MYO3B: variants seen among roughly 807,000 people sequenced by gnomAD.
MYO3B encodes myosin-IIIb.
MYO3B carries 156 observed loss-of-function variants against 174.6 expected under a neutral mutation model. The observed-to-expected ratio is 0.89, with a 90% CI of 0.78 to 1.02. The LOEUF (loss-of-function observed/expected upper bound fraction) is 1.02. Ranked by LOEUF, MYO3B falls within the 50% of genes least tolerant of loss-of-function variation. The pLI is 0.00. For synonymous variants in MYO3B, 563 were observed against 569.1 expected (o/e 0.99, Z 0.15); for missense variants, 1,632 against 1,639.4 (o/e 1.00, Z 0.08).
chr2:170,533,350 TCTC>T (rs1002826242), intron 30 of MYO3B, among the ~76,000 whole-genome samples: 1 of 150,832 alleles, frequency 6.6e-6, no homozygotes, highest in Non-Finnish European at 1.5e-5. Flanking sequence ...ACTTCTTACT[TCTC>T]CTTCCCTGGA....
intron 7 of MYO3B, among the ~76,000 whole-genome samples, chr2:170,264,481 C>T (rs1302402473): frequency 3.3e-5 from 5 of 152,126 alleles, no homozygotes; most frequent in East Asian, 1.9e-4. Flanking sequence ...AGGGCCAGCC[C>T]GGTTTTAAGG....
intron 30 of MYO3B, among the ~76,000 whole-genome samples, chr2:170,528,091 G>C (rs1197185664): frequency 1.3e-5 from 2 of 152,230 alleles, no homozygotes; most frequent in Admixed American, 6.5e-5. Context: ...TGATAAAGGA[G>C]CTAGCTTTCT....
At chr2:170,585,734 C>A (rs1693461445) in intron 32 of MYO3B, among the ~76,000 whole-genome samples, 2 of 152,102 alleles carry the variant, frequency 1.3e-5, no homozygotes, top group Non-Finnish European at 2.9e-5. Flanking sequence ...AGTCACAGTT[C>A]TTGGAGTTGG....
At chr2:170,282,529 C>G (rs2093519795) in intron 7 of MYO3B, among the ~76,000 whole-genome samples, 1 of 152,122 alleles carries the variant, frequency 6.6e-6, no homozygotes, top group South Asian at 2.1e-4. Flanking sequence ...ATTTTAAAGT[C>G]AGGCAGTGTG....
intron 1 of MYO3B, among the ~76,000 whole-genome samples, chr2:170,192,557 T>G (rs1238885703): frequency 6.6e-6 from 1 of 151,424 alleles, no homozygotes; most frequent in African/African-American, 2.4e-5. Flanking sequence ...GTTTTCTAAC[T>G]CATCAATTTC....
chr2:170,441,318 AGTG>A lies in MYO3B; in HGVS notation c.2651-2645_2651-2643del, dbSNP rs543243166. ...CCAGTACTATAATATTTTGAATGGA[AGTG>A]GTGAGTGTGTGAATCCTTGTCTTGT... On this transcript the variant is annotated intron_variant, in intron 22 of 34. Transcript: ENST00000408978. Among the ~76,000 whole-genome samples, 152 of 152,298 alleles carry A rather than the reference AGTG, an allele frequency of 1.0e-3. 2 individuals carry two copies. Among genetic ancestry groups the A allele is most frequent in the Admixed American group, 8.8e-3 (135 of 15,296 alleles).
intron 12 of MYO3B, among the ~76,000 whole-genome samples, chr2:170,384,683 T>C (rs1037038649): frequency 6.6e-6 from 1 of 152,140 alleles, no homozygotes; most frequent in Admixed American, 6.5e-5. Context: ...AGGAAGTAAA[T>C]GGAGAGAAAT....
chr2:170,214,150 A>C (rs748263074), intron 3 of MYO3B, among the ~76,000 whole-genome samples: 20 of 152,324 alleles, frequency 1.3e-4, no homozygotes, highest in Non-Finnish European at 2.8e-4. Flanking sequence ...AGCATTTTGA[A>C]CATGCACTTT....
At chr2:170,483,033 T>C (rs1685796735) in intron 25 of MYO3B, among the ~76,000 whole-genome samples, 1 of 152,248 alleles carries the variant, frequency 6.6e-6, no homozygotes, top group South Asian at 2.1e-4. Flanking sequence ...ACATAGTCAA[T>C]TAGAAAAATC....
At position 170,404,391 on chromosome 2, in the gene MYO3B, A is replaced by C. The variant is rs1451213280; in HGVS notation, c.2422A>C (p.Thr808Pro). The change falls in exon 20 of 35, where the codon ACC becomes CCC. Residue 808 changes from threonine to proline, a missense_variant. Transcript: ENST00000408978. ...TCGGTTTCCCCAAGCAACTGACCAG[A>C]CCCTGGTTGGTAGGTAACTTCTGAG... The part of the protein sequence containing the change: ...ESRFPQATDQ[T>P]LVDKFEDNLR... 2 of 1,608,830 alleles carry C rather than the reference A, an allele frequency of 1.2e-6. No homozygotes were observed. The highest frequency in any genetic ancestry group is 1.3e-5 in the African/African-American group (1 of 74,674).
At chr2:170,458,857 C>T (rs1188975942) in intron 23 of MYO3B, among the ~76,000 whole-genome samples, 2 of 152,174 alleles carry the variant, frequency 1.3e-5, no homozygotes, top group Non-Finnish European at 2.9e-5. Flanking sequence ...AACCGAAGAC[C>T]TTTTTAAATT....
At chr2:170,601,531 T>C in intron 32 of MYO3B, 2 of 903,640 alleles carry the variant, frequency 2.2e-6, no homozygotes, top group Non-Finnish European at 3.4e-6. Flanking sequence ...ATTTTAATTT[T>C]TTTATTTAAA....
intron 14 of MYO3B, among the ~76,000 whole-genome samples, chr2:170,388,491 A>G (rs143949189): frequency 3.3e-4 from 50 of 152,268 alleles, no homozygotes; most frequent in African/African-American, 1.2e-3. Context: ...GATAAGACTG[A>G]GACCAAATCA....
intron 32 of MYO3B, among the ~76,000 whole-genome samples, chr2:170,564,605 C>T (rs1282523872): frequency 2.6e-5 from 4 of 152,128 alleles, no homozygotes; most frequent in Non-Finnish European, 5.9e-5. Flanking sequence ...ACTTTGTTAG[C>T]ATGCTGATCG....
intron 8 of MYO3B, among the ~76,000 whole-genome samples, chr2:170,345,595 G>T (rs927799629): frequency 6.6e-6 from 1 of 151,976 alleles, no homozygotes; most frequent in Non-Finnish European, 1.5e-5. Flanking sequence ...GAGGCCCAAA[G>T]CTTGAACCTT....
intron 22 of MYO3B, among the ~76,000 whole-genome samples, chr2:170,422,982 T>TC (rs1234361112): frequency 7.3e-6 from 1 of 137,190 alleles, no homozygotes; most frequent in South Asian, 2.4e-4. Flanking sequence ...TCTTTCTTTT[T>TC]TTTTTTTTTT....
chr2:170,571,076 T>G (rs62168206), intron 32 of MYO3B, among the ~76,000 whole-genome samples: 61,787 of 151,704 alleles, frequency 0.41, 12,966 homozygotes, highest in Non-Finnish European at 0.46. Flanking sequence ...GATTTAATTT[T>G]TCAGGCTAGC....
intron 8 of MYO3B, among the ~76,000 whole-genome samples, chr2:170,367,491 G>A (rs1166122802): frequency 1.3e-5 from 2 of 152,102 alleles, no homozygotes; most frequent in African/African-American, 4.8e-5. Flanking sequence ...CAACTACCGG[G>A]TGCATCTTCA....
intron 9 of MYO3B, among the ~76,000 whole-genome samples, chr2:170,374,986 T>C (rs2094280554): frequency 6.6e-6 from 1 of 152,196 alleles, no homozygotes; most frequent in Non-Finnish European, 1.5e-5. Context: ...ATAGAGCAGT[T>C]ATTAATCCAA....
Sources: gnomAD v4.1 joint callset for allele counts (sites outside exome capture counted in the v4.1 genomes callset) on GRCh38, gnomAD v4.1.1 for gene constraint, MANE v1.5 for transcripts, NCBI Gene and HGNC (gene_info 2026-07-23, HGNC 2026-07-21) for gene names.